NREP: variants seen among roughly 807,000 people sequenced by gnomAD.
NREP encodes the protein neuronal regeneration-related protein.
Under a neutral mutation model 8.6 loss-of-function variants are expected in NREP, and 5 were observed. The observed-to-expected ratio is 0.58, with a 90% CI of 0.30 to 1.22. The LOEUF (loss-of-function observed/expected upper bound fraction) is 1.22. Among genes scored for constraint, NREP ranks in the 50% most tolerant of loss-of-function variants. The pLI, the probability that NREP is intolerant of heterozygous loss-of-function variation, is 0.07. For missense variants in NREP, 86 were observed against 82.5 expected, an observed-to-expected ratio of 1.04 and a Z score of -0.17; for synonymous variants, 27 against 28.0, an observed-to-expected ratio of 0.96 and a Z score of 0.11.
chr5:111,747,027 G>A (rs969514253), intron 2 of NREP, among the ~76,000 whole-genome samples: 1 of 152,156 alleles, frequency 6.6e-6, no homozygotes, highest in Non-Finnish European at 1.5e-5. Context: ...TCTGGCAAAT[G>A]AGCACAAGAA....
Position 111,770,554 on chromosome 5 carries a change from C to CTTT in NREP, c.136-35050_136-35048dup, listed in dbSNP as rs34538408. On this transcript the variant is annotated intron_variant, in intron 2 of 3. Transcript: ENST00000395634. ...TTATTTGGTAAAGAAGAATTATTTCCTTTTTTTTTTTTTTTTTTTTTTTTT... is the reference window on the plus strand; with the variant it reads ...TTATTTGGTAAAGAAGAATTATTTCCTTTTTTTTTTTTTTTTTTTTTTTTTTTT... 2.9e-3 allele frequency among the ~76,000 whole-genome samples: 210 copies of CTTT among 73,612 alleles called. 14 individuals carry two copies. Among genetic ancestry groups the CTTT allele is most frequent in the South Asian group, 6.9e-3 (14 of 2,040 alleles). 48.3% of individuals were successfully genotyped at this position (73,612 alleles called of 152,430 possible).
Position 111,793,072 on chromosome 5 carries a change from C to G in NREP, c.136-57565G>C, listed in dbSNP as rs73223672. Among the ~76,000 whole-genome samples, 664 of 152,288 alleles carry G rather than the reference C, an allele frequency of 4.4e-3. 6 individuals carry two copies. The highest frequency in any genetic ancestry group is 0.015 in the African/African-American group (634 of 41,560). ...ACCAGGCATGACAAATGACAGAACT[C>G]TCCACAAGTCACCCAGTAAACTAGG... On this transcript the variant is annotated intron_variant, in intron 2 of 3. Coordinates refer to the NREP transcript ENST00000395634.
At chr5:111,825,866 C>T (rs1049332656) in intron 2 of NREP, among the ~76,000 whole-genome samples, 2 of 152,070 alleles carry the variant, frequency 1.3e-5, no homozygotes, top group Non-Finnish European at 2.9e-5. Flanking sequence ...TTCAGGTCTC[C>T]CTCAGGGACA....
chr5:111,950,699 GAAA>G (rs199589410), intron 2 of NREP, among the ~76,000 whole-genome samples: 5 of 118,900 alleles, frequency 4.2e-5, no homozygotes, highest in South Asian at 2.7e-4. Context: ...AAATTTACAA[GAAA>G]AAAAAAAAAA....
intron 2 of NREP, among the ~76,000 whole-genome samples, chr5:111,841,424 T>C (rs554865413): frequency 3.3e-5 from 5 of 152,254 alleles, no homozygotes; most frequent in South Asian, 2.1e-4. Context: ...AGCTGAAGTA[T>C]TGTTAAGTTA....
At chr5:111,969,497 G>A (rs1406516326) in intron 2 of NREP, 6 of 152,136 alleles carry the variant, frequency 3.9e-5, no homozygotes, top group Non-Finnish European at 8.8e-5. Context: ...GAAGATAAAC[G>A]TTCCCCCATC....
At chr5:111,819,232 C>G (rs961998555) in intron 2 of NREP, among the ~76,000 whole-genome samples, 1 of 152,146 alleles carries the variant, frequency 6.6e-6, no homozygotes. Context: ...CATCCTGAGT[C>G]ACCTGTTCTC....
chr5:111,809,889 G>A (rs1282156792), intron 2 of NREP, among the ~76,000 whole-genome samples: 6 of 149,428 alleles, frequency 4.0e-5, no homozygotes, highest in African/African-American at 1.2e-4. Context: ...GTGTGTGTGT[G>A]TGTGTGTGTG....
chr5:111,892,644 G>A (rs993837192), intron 2 of NREP, among the ~76,000 whole-genome samples: 5 of 151,826 alleles, frequency 3.3e-5, no homozygotes, highest in Admixed American at 1.3e-4. Context: ...AAAAGGGAGT[G>A]AATGCCTGAA....
At chr5:111,772,768 A>T (rs1297848605) in intron 2 of NREP, among the ~76,000 whole-genome samples, 3 of 152,064 alleles carry the variant, frequency 2.0e-5, no homozygotes, top group Non-Finnish European at 4.4e-5. Context: ...CACCTGAAAG[A>T]TGTTGTTTTC....
intron 2 of NREP, among the ~76,000 whole-genome samples, chr5:111,749,492 T>A (rs1317408164): frequency 6.6e-6 from 1 of 152,124 alleles, no homozygotes. Flanking sequence ...GTGAGGAGAT[T>A]CTCTTTGGTT....
At chr5:111,771,285 T>C (rs1365488035) in intron 2 of NREP, among the ~76,000 whole-genome samples, 1 of 152,168 alleles carries the variant, frequency 6.6e-6, no homozygotes, top group Non-Finnish European at 1.5e-5. Flanking sequence ...TCACAGATTC[T>C]TTGAGTTAGG....
intron 2 of NREP, among the ~76,000 whole-genome samples, chr5:111,831,121 T>A (rs914555682): frequency 1.3e-5 from 2 of 152,152 alleles, no homozygotes; most frequent in African/African-American, 4.8e-5. Flanking sequence ...TGATTTTGCC[T>A]ATTGGAGTCT....
intron 2 of NREP, among the ~76,000 whole-genome samples, chr5:111,924,565 A>T (rs967585612): frequency 6.6e-6 from 1 of 152,034 alleles, no homozygotes; most frequent in Admixed American, 6.5e-5. Flanking sequence ...ATGAATTGGG[A>T]CTATGGCCTC....
intron 2 of NREP, among the ~76,000 whole-genome samples, chr5:111,772,379 T>C (rs75942722): frequency 0.062 from 9,461 of 152,246 alleles, 403 homozygotes; most frequent in African/African-American, 0.12. Context: ...TGTTCATCCT[T>C]GTTTCACTAA....
At chr5:111,884,448 G>A (rs1754181588) in intron 2 of NREP, among the ~76,000 whole-genome samples, 1 of 152,074 alleles carries the variant, frequency 6.6e-6, no homozygotes, top group African/African-American at 2.4e-5. Flanking sequence ...AATAGAAAAA[G>A]AGGGAATCCT....
intron 2 of NREP, among the ~76,000 whole-genome samples, chr5:111,742,803 T>C (rs1444254808): frequency 6.6e-6 from 1 of 152,048 alleles, no homozygotes; most frequent in African/African-American, 2.4e-5. Flanking sequence ...TCCAGCCCCA[T>C]TCCTTTCCAA....
rs376966870 is a variant in NREP, at chr5:111,962,170, G to A, written c.135+13104C>T. ...CTCTTTTATCCTAGCTTTGACCAAT[G>A]ATGACTACATTTTGTTTTTAATCAC... On this transcript the variant is annotated intron_variant, in intron 2 of 3. Coordinates refer to the NREP transcript ENST00000395634. 2.3e-3 allele frequency among the ~76,000 whole-genome samples: 352 copies of A among 152,220 alleles called. 1 individual carries two copies. The highest frequency in any genetic ancestry group is 7.7e-3 in the African/African-American group (318 of 41,544).
At chr5:111,811,951 A>T (rs1037425761) in intron 2 of NREP, among the ~76,000 whole-genome samples, 1 of 152,180 alleles carries the variant, frequency 6.6e-6, no homozygotes, top group Admixed American at 6.5e-5. Context: ...ATTGGATTCG[A>T]CTTGTTTCAT....
Sources: gnomAD v4.1 joint callset for allele counts (sites outside exome capture counted in the v4.1 genomes callset) on GRCh38, gnomAD v4.1.1 for gene constraint, MANE v1.5 for transcripts, NCBI Gene and HGNC (gene_info 2026-07-23, HGNC 2026-07-21) for gene names.